The following GBE1 variants were observed in gnomAD, a reference collection of about 807,000 sequenced individuals.
The protein encoded by GBE1 is 1,4-alpha-glucan-branching enzyme.
Under a neutral mutation model 88.8 loss-of-function variants are expected in GBE1, and 70 were observed. The observed-to-expected ratio is 0.79, with a 90% CI of 0.65 to 0.96. The LOEUF (loss-of-function observed/expected upper bound fraction) is 0.96. Among genes scored for constraint, GBE1 ranks in the 40% least tolerant of loss-of-function variants. The probability of loss-of-function intolerance (pLI) is 0.00; values close to 1 mark genes in which losing one functional copy is unlikely to be tolerated. For missense variants in GBE1, 872 were observed against 871.0 expected, an observed-to-expected ratio of 1.00 and a Z score of -0.01; for synonymous variants, 284 against 300.1, an observed-to-expected ratio of 0.95 and a Z score of 0.56.
intron 7 of GBE1, among the ~76,000 whole-genome samples, chr3:81,627,376 C>A (rs116514658): frequency 9.5e-4 from 145 of 152,242 alleles, no homozygotes; most frequent in African/African-American, 3.2e-3. Flanking sequence ...ATGGTCTTTG[C>A]CCTGCTGAAA....
chr3:81,539,273 C>G (rs1703116123), intron 12 of GBE1, among the ~76,000 whole-genome samples: 1 of 152,024 alleles, frequency 6.6e-6, no homozygotes, highest in Non-Finnish European at 1.5e-5. Flanking sequence ...CTTCTCATAC[C>G]TGGACAGAGA....
At chr3:81,580,483 A>C (rs895203902) in intron 11 of GBE1, among the ~76,000 whole-genome samples, 26 of 152,230 alleles carry the variant, frequency 1.7e-4, no homozygotes, top group African/African-American at 6.0e-4. Context: ...GAAAAGCACA[A>C]GATTGGAAAA....
At chr3:81,674,454 G>T (rs1203312919) in intron 2 of GBE1, among the ~76,000 whole-genome samples, 1 of 151,884 alleles carries the variant, frequency 6.6e-6, no homozygotes, top group Non-Finnish European at 1.5e-5. Flanking sequence ...GTATCCAGGT[G>T]TAATTGCAGG....
rs758683393 is a variant in GBE1 at position 81,535,241 on chromosome 3, T to C, written c.1888A>G (p.Ser630Gly). The C allele has an allele frequency of 3.1e-6, 5 of 1,611,702 alleles. No homozygotes were observed. In the Admixed American group the frequency reaches 8.4e-5, roughly 27 times the overall value. The change falls in exon 14 of 16, where the codon AGC becomes GGC. Residue 630 changes from serine to glycine, a missense_variant. Ser to Gly is a moderately conservative substitution (Grantham distance 56). Coordinates refer to ENST00000429644, the MANE Select transcript of GBE1 (RefSeq NM_000158.4). ...GLLFIFNFHP[S>G]KSYTDYRVGT... ...ACTCGGTAGTCAGTGTAGCTCTTGC[T>C]TGGATGGAAGTTGAAAATGAAAAGA... is the stretch of plus-strand genomic sequence containing the variant.
chr3:81,578,174 G>GT, intron 11 of GBE1, 78 bp from the exon 12 acceptor site: 1 of 976,444 alleles, frequency 1.0e-6, no homozygotes, highest in Non-Finnish European at 1.5e-6. Flanking sequence ...AACAATGCAT[G>GT]GTTACAAATG....
intron 12 of GBE1, among the ~76,000 whole-genome samples, chr3:81,553,615 T>C (rs1320035591): frequency 7.0e-6 from 1 of 142,036 alleles, no homozygotes; most frequent in African/African-American, 2.6e-5. Context: ...CCAGTTGAAG[T>C]ATAGAGACAG....
At chr3:81,532,008 C>T (rs1381019762) in intron 14 of GBE1, among the ~76,000 whole-genome samples, 1 of 151,926 alleles carries the variant, frequency 6.6e-6, no homozygotes. Context: ...GCAATGAGTT[C>T]CAATGCAAAG....
intron 12 of GBE1, among the ~76,000 whole-genome samples, 158 bp downstream of exon 12, chr3:81,577,767 A>C (rs1339448184): frequency 6.6e-6 from 1 of 152,176 alleles, no homozygotes; most frequent in Non-Finnish European, 1.5e-5. Flanking sequence ...ACAGTGATTT[A>C]ATTTTATTCT....
chr3:81,731,000 T>G lies in GBE1; in HGVS notation c.144-25387A>C, dbSNP rs116570597. Among the ~76,000 whole-genome samples, 521 of 152,298 alleles carry G rather than the reference T, an allele frequency of 3.4e-3. 5 individuals carry two copies. The highest frequency in any genetic ancestry group is 0.01 in the Middle Eastern group (3 of 294). On this transcript the variant is annotated intron_variant, in intron 1 of 15. Coordinates refer to ENST00000429644, the MANE Select transcript of GBE1 (RefSeq NM_000158.4). ...GATGATAGGGTAGCTGATGGGACTTTGTGGATTACCTAAGTCAGGATCCCA... is the reference window on the plus strand; with the variant it reads ...GATGATAGGGTAGCTGATGGGACTTGGTGGATTACCTAAGTCAGGATCCCA...
chr3:81,617,704 C>T (rs190571744), intron 7 of GBE1, among the ~76,000 whole-genome samples: 2 of 151,856 alleles, frequency 1.3e-5, no homozygotes, highest in African/African-American at 4.8e-5. Context: ...TTATCTGGTT[C>T]TAATATTAGG....
At chr3:81,529,990 C>G (rs2372907) in intron 14 of GBE1, among the ~76,000 whole-genome samples, 23,921 of 151,724 alleles carry the variant, frequency 0.16, 2,031 homozygotes, top group Non-Finnish European at 0.21. Context: ...AGGCTATTTT[C>G]TAGATCCTGT....
intron 8 of GBE1, among the ~76,000 whole-genome samples, chr3:81,591,848 T>C (rs899146463): frequency 2.0e-5 from 3 of 152,110 alleles, no homozygotes; most frequent in Non-Finnish European, 4.4e-5. Context: ...TAAGTTCTAT[T>C]GATTTTTTTT....
At chr3:81,750,610 T>C (rs1245681232) in intron 1 of GBE1, among the ~76,000 whole-genome samples, 2 of 74,030 alleles carry the variant, frequency 2.7e-5, no homozygotes, top group Non-Finnish European at 4.5e-5. Flanking sequence ...TGTGTATATA[T>C]ATATATGTAT....
At chr3:81,748,028 G>T (rs1465210566) in intron 1 of GBE1, among the ~76,000 whole-genome samples, 1 of 152,182 alleles carries the variant, frequency 6.6e-6, no homozygotes, top group African/African-American at 2.4e-5. Flanking sequence ...GTTGAAGCAG[G>T]AGAATCATTT....
intron 7 of GBE1, among the ~76,000 whole-genome samples, chr3:81,624,543 G>T (rs1704376655): frequency 1.3e-5 from 2 of 152,110 alleles, no homozygotes; most frequent in South Asian, 2.1e-4. Context: ...TTGCCCTATT[G>T]TCTATAAATT....
At chr3:81,649,632 A>T (rs1320479369) in intron 4 of GBE1, among the ~76,000 whole-genome samples, 164 bp downstream of exon 4, 2 of 152,184 alleles carry the variant, frequency 1.3e-5, no homozygotes, top group Non-Finnish European at 2.9e-5. Context: ...GCTACAGAAG[A>T]CAGACTATGA....
chr3:81,683,947 T>C (rs2107134320), intron 2 of GBE1, among the ~76,000 whole-genome samples: 1 of 152,082 alleles, frequency 6.6e-6, no homozygotes, highest in East Asian at 1.9e-4. Context: ...AAATGAAGAG[T>C]CTTATTATGA....
chr3:81,550,094 G>A (rs192961209), intron 12 of GBE1, among the ~76,000 whole-genome samples: 73 of 151,544 alleles, frequency 4.8e-4, no homozygotes, highest in African/African-American at 1.7e-3. Context: ...TAACAGCTTG[G>A]TTCCAACAAT....
At chr3:81,578,772 C>T (rs1423504384) in intron 11 of GBE1, among the ~76,000 whole-genome samples, 1 of 151,900 alleles carries the variant, frequency 6.6e-6, no homozygotes. Flanking sequence ...GAATTATTTA[C>T]AGTTCAAAAC....
Sources: allele counts gnomAD v4.1 joint callset (sites outside exome capture counted in the v4.1 genomes callset), GRCh38; gene constraint gnomAD v4.1.1; transcripts MANE v1.5; gene names NCBI Gene and HGNC (gene_info 2026-07-23, HGNC 2026-07-21).